The following LRBA variants were observed in gnomAD, a reference collection of about 807,000 sequenced individuals.
LRBA encodes the protein lipopolysaccharide-responsive and beige-like anchor protein.
Under a neutral mutation model 330.0 loss-of-function variants are expected in LRBA, and 176 were observed. That is an observed-to-expected ratio of 0.53 (90% CI 0.47 to 0.60). The LOEUF (loss-of-function observed/expected upper bound fraction) is 0.60. LRBA is among the 20% of genes least tolerant of loss of function. The pLI, the probability that LRBA is intolerant of heterozygous loss-of-function variation, is 0.00. For missense variants in LRBA, 3,259 were observed against 3,444.8 expected (o/e 0.95, Z 1.35); for synonymous variants, 1,230 against 1,193.0 (o/e 1.03, Z -0.64).
rs537491439 is a variant in LRBA at position 150,556,749 on chromosome 4, G to A, written c.6330+31299C>T. Among the ~76,000 whole-genome samples, 6 of 152,266 alleles carry A rather than the reference G, an allele frequency of 3.9e-5. No individual in the cohort carries two copies. In the South Asian group the frequency reaches 1.2e-3, roughly 32 times the overall value. Reference sequence around the variant, plus strand: ...ATTTTGAAAAGACATCTTTATGCATGCACAAATGCAATTTGTCATTAAATT... The same window carrying A: ...ATTTTGAAAAGACATCTTTATGCATACACAAATGCAATTTGTCATTAAATT... On this transcript the variant is annotated intron_variant, in intron 40 of 56. Transcript: ENST00000651943.
intron 46 of LRBA, among the ~76,000 whole-genome samples, chr4:150,422,440 G>A (rs950326688): frequency 2.6e-4 from 40 of 151,890 alleles, no homozygotes; most frequent in African/African-American, 9.5e-4. Context: ...TTAACAACTA[G>A]AAAAGGAAGA....
chr4:151,002,068 A>G (rs942949342), intron 2 of LRBA, among the ~76,000 whole-genome samples: 1 of 152,066 alleles, frequency 6.6e-6, no homozygotes, highest in Non-Finnish European at 1.5e-5. Context: ...ACTCTGCCCA[A>G]CCAACATCAT....
intron 34 of LRBA, among the ~76,000 whole-genome samples, chr4:150,780,630 C>CGT (rs1738037580): frequency 2.1e-5 from 1 of 46,566 alleles, no homozygotes; most frequent in Non-Finnish European, 5.7e-5. Flanking sequence ...TATATATACA[C>CGT]GTATATATAT....
Position 150,831,981 on chromosome 4 carries a change from G to A in LRBA, c.4570-5C>T. The A allele has an allele frequency of 6.8e-7, 1 of 1,462,708 alleles. No individual in the cohort carries two copies. The highest frequency in any genetic ancestry group is 9.1e-7 in the Non-Finnish European group (1 of 1,097,656). The allele number at this position is 1,462,708 out of a possible 1,614,324, so 90.6% of individuals were successfully genotyped here. ...TTGAGCTTGTTTGCTATCCTCCTGG[G>A]AAAAAAAATTAAAGGAGTTGATTAT... On this transcript the variant is annotated splice_polypyrimidine_tract_variant and splice_region_variant and intron_variant, in intron 28 of 56. Coordinates refer to ENST00000651943, the MANE Select transcript of LRBA (RefSeq NM_001364905.1).
intron 36 of LRBA, among the ~76,000 whole-genome samples, chr4:150,715,815 A>G (rs973615704): frequency 6.6e-6 from 1 of 152,186 alleles, no homozygotes; most frequent in Admixed American, 6.5e-5. Flanking sequence ...TTACAACTTA[A>G]AGACTGCATT....
intron 44 of LRBA, among the ~76,000 whole-genome samples, chr4:150,464,144 A>T (rs1218424241): frequency 6.6e-6 from 1 of 152,076 alleles, no homozygotes; most frequent in Non-Finnish European, 1.5e-5. Context: ...CTAAAAACTC[A>T]TCTAAAGCAC....
chr4:150,747,801 T>A (rs935121966), intron 35 of LRBA, among the ~76,000 whole-genome samples: 10 of 152,224 alleles, frequency 6.6e-5, no homozygotes, highest in African/African-American at 2.2e-4. Context: ...GTGTGTTCTT[T>A]CCTCCCTCTA....
intron 48 of LRBA, among the ~76,000 whole-genome samples, chr4:150,347,356 G>A (rs1247544870): frequency 6.6e-6 from 1 of 152,052 alleles, no homozygotes; most frequent in Non-Finnish European, 1.5e-5. Context: ...CTCAAAAATG[G>A]TAAAAATGGC....
In LRBA at chr4:150,594,313, TA is replaced by T. The variant is rs1000544182; in HGVS notation, c.6047-3455del. 1.7e-3 allele frequency among the ~76,000 whole-genome samples: 261 copies of T among 151,514 alleles called. 3 individuals carry two copies. The highest frequency in any genetic ancestry group is 6.1e-3 in the African/African-American group (251 of 41,396). On this transcript the variant is annotated intron_variant, in intron 38 of 56. Coordinates refer to ENST00000651943, the MANE Select transcript of LRBA (RefSeq NM_001364905.1). Reference sequence around the variant, plus strand: ...CTAATAGCTTTCTGCTAAAGAACCTTAAAAAAAAATTAGAACAAAACTTTTC... The same window carrying T: ...CTAATAGCTTTCTGCTAAAGAACCTTAAAAAAAATTAGAACAAAACTTTTC...
At chr4:150,475,507 G>T (rs1341163278) in intron 42 of LRBA, among the ~76,000 whole-genome samples, 1 of 151,954 alleles carries the variant, frequency 6.6e-6, no homozygotes, top group Non-Finnish European at 1.5e-5. Context: ...GCCAGTTTTG[G>T]CAATTCTGTT....
chr4:150,448,245 CG>C (rs1186710748), intron 44 of LRBA, among the ~76,000 whole-genome samples: 1 of 152,144 alleles, frequency 6.6e-6, no homozygotes, highest in Admixed American at 6.5e-5. Flanking sequence ...TAGACAAAGT[CG>C]TGGCAATTTC....
intron 17 of LRBA, among the ~76,000 whole-genome samples, chr4:150,884,741 A>G (rs935886662): frequency 6.6e-6 from 1 of 152,194 alleles, no homozygotes; most frequent in African/African-American, 2.4e-5. Flanking sequence ...AAAAGTCTAG[A>G]GTTGCCCAGT....
chr4:150,743,731 G>A (rs1732322307), intron 35 of LRBA, among the ~76,000 whole-genome samples: 1 of 152,134 alleles, frequency 6.6e-6, no homozygotes, highest in Non-Finnish European at 1.5e-5. Context: ...TGTACTGCAA[G>A]GCCTAAAGAA....
At chr4:151,015,134 GAA>G (rs1424523850) in intron 1 of LRBA, 66 bp downstream of exon 1, 4 of 153,980 alleles carry the variant, frequency 2.6e-5, no homozygotes, top group Admixed American at 1.9e-4. Flanking sequence ...CTGTCGCGGG[GAA>G]AGGAGGGATC....
At chr4:150,633,788 T>A (rs1347003511) in intron 37 of LRBA, among the ~76,000 whole-genome samples, 1 of 152,174 alleles carries the variant, frequency 6.6e-6, no homozygotes, top group African/African-American at 2.4e-5. Context: ...ATATAACCTT[T>A]CTTCTGGTCC....
chr4:150,673,434 G>C (rs1782249538), intron 37 of LRBA, among the ~76,000 whole-genome samples: 1 of 152,046 alleles, frequency 6.6e-6, no homozygotes, highest in Non-Finnish European at 1.5e-5. Context: ...AAAACATAAG[G>C]AAAACTCATA....
intron 47 of LRBA, among the ~76,000 whole-genome samples, chr4:150,366,051 A>G (rs1739428995): frequency 6.6e-6 from 1 of 152,178 alleles, no homozygotes; most frequent in Admixed American, 6.5e-5. Flanking sequence ...TATTTTAAAA[A>G]ATGTATAGCA....
intron 37 of LRBA, among the ~76,000 whole-genome samples, chr4:150,653,259 A>C (rs375076978): frequency 7.2e-5 from 11 of 152,244 alleles, no homozygotes; most frequent in African/African-American, 2.7e-4. Flanking sequence ...TATGATTCTC[A>C]AAATATTAGG....
At chr4:150,551,960 G>C (rs375255925) in intron 40 of LRBA, among the ~76,000 whole-genome samples, 1 of 152,108 alleles carries the variant, frequency 6.6e-6, no homozygotes, top group Admixed American at 6.5e-5. Flanking sequence ...AGTGGGGTGG[G>C]GGGTAGGAGG....
Sources: allele counts gnomAD v4.1 joint callset (sites outside exome capture counted in the v4.1 genomes callset), GRCh38; gene constraint gnomAD v4.1.1; transcripts MANE v1.5; gene names NCBI Gene and HGNC (gene_info 2026-07-23, HGNC 2026-07-21).